PSMA5: variants seen among roughly 807,000 people sequenced by gnomAD.
The protein encoded by PSMA5 is proteasome subunit alpha type-5.
In PSMA5, 3 loss-of-function variants were observed where a neutral mutation model predicts 34.5. That is an observed-to-expected ratio of 0.09 (90% confidence interval 0.04 to 0.22). PSMA5 has a LOEUF of 0.22. Among genes scored for constraint, PSMA5 ranks in the 10% least tolerant of loss-of-function variants. The pLI is 1.00. For missense variants in PSMA5, 120 were observed against 286.1 expected (o/e 0.42, Z 4.19); for synonymous variants, 88 against 95.8 (o/e 0.92, Z 0.47).
intron 2 of PSMA5, among the ~76,000 whole-genome samples, chr1:109,417,950 G>A (rs1654280872): frequency 1.3e-5 from 2 of 152,192 alleles, no homozygotes; most frequent in Non-Finnish European, 2.9e-5. Context: ...TGGGCCAGGA[G>A]TGGTGGCTCA....
chr1:109,415,449 A>G (rs1436252354), intron 2 of PSMA5, 86 bp from the exon 3 acceptor site: 4 of 1,409,026 alleles, frequency 2.8e-6, no homozygotes, highest in Non-Finnish European at 3.8e-6. Flanking sequence ...AAATCTTCAC[A>G]TGATAGAAAC....
In PSMA5 at chr1:109,401,249, TTTAA is replaced by T. The variant is rs1653505893; in HGVS notation, c.*760_*763del. The T allele has an allele frequency of 2.0e-5, 3 of 152,202 alleles. No individual in the cohort carries two copies. Among genetic ancestry groups the T allele is most frequent in the African/African-American group, 7.2e-5 (3 of 41,426 alleles). The allele number at this position is 152,202 out of a possible 1,614,324, so 9.4% of individuals were successfully genotyped here. A position where few individuals can be genotyped will look rare whatever the true frequency, so the allele number is the denominator to read the frequency against. On this transcript the variant is annotated 3_prime_UTR_variant, in exon 9 of 9. Transcript: ENST00000271308. ...TTGCCAGTGAGGCCAAGGTCATTAATTTAATTCTTAGTCCTTCACTTCGTAAACA... is the reference window on the plus strand; with the variant it reads ...TTGCCAGTGAGGCCAAGGTCATTAATTTCTTAGTCCTTCACTTCGTAAACA...
intron 8 of PSMA5, 115 bp downstream of exon 8, chr1:109,409,813 C>A (rs1353865379): frequency 7.5e-6 from 5 of 669,548 alleles, no homozygotes; most frequent in Non-Finnish European, 1.3e-5. Flanking sequence ...ACTCGAGAGG[C>A]TGGGGTGGGA....
At chr1:109,423,991 C>A (rs558341368) in intron 1 of PSMA5, among the ~76,000 whole-genome samples, 1 of 152,326 alleles carries the variant, frequency 6.6e-6, no homozygotes, top group Non-Finnish European at 1.5e-5. Context: ...TTATCTCCTG[C>A]TGTTCCCATA....
chr1:109,403,090 GT>G (rs1653603089), intron 8 of PSMA5, among the ~76,000 whole-genome samples: 2 of 152,132 alleles, frequency 1.3e-5, no homozygotes, highest in Admixed American at 6.6e-5. Context: ...GAAGATATCA[GT>G]AATAACTGGA....
In PSMA5 at chr1:109,399,055, A is replaced by T. The variant is rs1414084567; in HGVS notation, c.*2958T>A. 2.0e-5 allele frequency: 3 copies of T among 152,240 alleles called. No individual in the cohort carries two copies. The highest frequency in any genetic ancestry group is 2.9e-5 in the Non-Finnish European group (2 of 68,036). The allele number at this position is 152,240 out of a possible 1,614,324, so 9.4% of individuals were successfully genotyped here. A position where few individuals can be genotyped will look rare whatever the true frequency, so the allele number is the denominator to read the frequency against. ...ATTACACTCAAAGCAAGTAAAGATT[A>T]CTTTTAATTATAAACTGGCCATAAA... is the stretch of plus-strand genomic sequence containing the variant. On this transcript the variant is annotated 3_prime_UTR_variant, in exon 9 of 9. Transcript: ENST00000271308.
At chr1:109,424,005 G>GT (rs1170611215) in intron 1 of PSMA5, among the ~76,000 whole-genome samples, 7 of 152,086 alleles carry the variant, frequency 4.6e-5, no homozygotes, top group Non-Finnish European at 8.8e-5. Flanking sequence ...TCCCATACAC[G>GT]TATCATATGT....
At position 109,401,184 on chromosome 1, in the gene PSMA5, A is replaced by G. The variant is rs1313409762; in HGVS notation, c.*829T>C. The G allele has an allele frequency of 6.6e-6, 1 of 152,226 alleles. No individual in the cohort carries two copies. The highest frequency in any genetic ancestry group is 1.9e-4 in the East Asian group (1 of 5,202). 9.4% of individuals were successfully genotyped at this position (152,226 alleles called of 1,614,324 possible). A position where few individuals can be genotyped will look rare whatever the true frequency, so the allele number is the denominator to read the frequency against. On this transcript the variant is annotated 3_prime_UTR_variant, in exon 9 of 9. Coordinates refer to ENST00000271308, the MANE Select transcript of PSMA5 (RefSeq NM_002790.4). Reference sequence around the variant, plus strand: ...AAAGTCTAATGTAAACTGCTTCTGAATTTTACAATTCTCTTACTGATATAG... The same window carrying G: ...AAAGTCTAATGTAAACTGCTTCTGAGTTTTACAATTCTCTTACTGATATAG...
chr1:109,415,130 G>T, intron 3 of PSMA5, 107 bp downstream of exon 3: 2 of 1,324,246 alleles, frequency 1.5e-6, no homozygotes, highest in Non-Finnish European at 1.0e-6. Flanking sequence ...GAAAATAATA[G>T]CTAACAAGGG....
chr1:109,408,176 A>G (rs1048543119), intron 8 of PSMA5, among the ~76,000 whole-genome samples: 1 of 152,144 alleles, frequency 6.6e-6, no homozygotes, highest in South Asian at 2.1e-4. Context: ...AAAAAAGGAC[A>G]TTCCCAAGCT....
chr1:109,417,059 C>CA (rs1301588271), intron 2 of PSMA5, among the ~76,000 whole-genome samples: 2 of 152,192 alleles, frequency 1.3e-5, no homozygotes, highest in Non-Finnish European at 2.9e-5. Context: ...GAGCCAAGAT[C>CA]ACGCCATTGC....
chr1:109,402,783 G>A (rs1021095525), intron 8 of PSMA5, among the ~76,000 whole-genome samples: 6 of 152,142 alleles, frequency 3.9e-5, no homozygotes, highest in Admixed American at 6.5e-5. Context: ...TAGGCTCACC[G>A]CAACCTCCGC....
At position 109,423,263 on chromosome 1, in the gene PSMA5, AC is replaced by A. The variant is rs60287248; in HGVS notation, c.30-1338del. 6.4e-3 allele frequency among the ~76,000 whole-genome samples: 967 copies of A among 152,116 alleles called. 14 individuals carry two copies. The highest frequency in any genetic ancestry group is 0.021 in the African/African-American group (888 of 41,466). ...AGACCAGGCTGGCCAACAAGGTGAA[AC>A]CCCGTCTCTACTAAAAACACATAAA... On this transcript the variant is annotated intron_variant, in intron 1 of 8. Transcript: ENST00000271308.
chr1:109,423,858 A>G (rs1201161981), intron 1 of PSMA5, among the ~76,000 whole-genome samples: 2 of 152,162 alleles, frequency 1.3e-5, no homozygotes, highest in African/African-American at 4.8e-5. Context: ...TAATTCAGAC[A>G]ATTAATCTCT....
chr1:109,418,190 G>A (rs553576615), intron 2 of PSMA5, among the ~76,000 whole-genome samples: 2 of 152,228 alleles, frequency 1.3e-5, no homozygotes, highest in East Asian at 3.9e-4. Context: ...CTCCAGTCTA[G>A]GTGACAGAGT....
intron 8 of PSMA5, among the ~76,000 whole-genome samples, chr1:109,404,978 T>G (rs530052460): frequency 1.3e-5 from 2 of 152,270 alleles, no homozygotes; most frequent in South Asian, 4.1e-4. Flanking sequence ...ATGGCAAGAA[T>G]GGGTCAGACA....
At chr1:109,416,015 A>G (rs1654179227) in intron 2 of PSMA5, among the ~76,000 whole-genome samples, 1 of 152,216 alleles carries the variant, frequency 6.6e-6, no homozygotes, top group African/African-American at 2.4e-5. Context: ...CGTAACTCCC[A>G]GTCATCTACT....
At chr1:109,409,077 G>A (rs1653896067) in intron 8 of PSMA5, among the ~76,000 whole-genome samples, 1 of 152,080 alleles carries the variant, frequency 6.6e-6, no homozygotes, top group Non-Finnish European at 1.5e-5. Context: ...TTTCTTTAAT[G>A]CTATCTTCTG....
chr1:109,415,009 T>C (rs1654134938), intron 3 of PSMA5: 4 of 433,082 alleles, frequency 9.2e-6, no homozygotes, highest in Non-Finnish European at 1.6e-5. Flanking sequence ...AACCATCACA[T>C]TTACCAAGTC....
Sources: allele counts gnomAD v4.1 joint callset (sites outside exome capture counted in the v4.1 genomes callset), GRCh38; gene constraint gnomAD v4.1.1; transcripts MANE v1.5; gene names NCBI Gene and HGNC (gene_info 2026-07-23, HGNC 2026-07-21).